Variants in OR6C4 observed in about 807,000 individuals in gnomAD.
The protein encoded by OR6C4 is olfactory receptor family 6 subfamily C member 4, also known as olfactory receptor 6C4.
OR6C4 carries 20 observed loss-of-function variants against 15.1 expected under a neutral mutation model. The ratio of observed to expected loss-of-function variants is 1.32; its 90% CI spans 0.93 to 1.92. The LOEUF (loss-of-function observed/expected upper bound fraction) is 1.92. Ranked by LOEUF, OR6C4 falls within the 30% of genes most tolerant of loss-of-function variation. The probability of loss-of-function intolerance (pLI) is 0.00; values close to 1 mark genes in which losing one functional copy is unlikely to be tolerated. For synonymous variants in OR6C4, 179 were observed against 134.2 expected (o/e 1.33, Z -2.31); for missense variants, 491 against 363.2 (o/e 1.35, Z -2.86).
rs766175400 is a variant in OR6C4 at position 55,551,960 on chromosome 12, T to G, written c.734T>G (p.Val245Gly). 5 of 1,613,924 alleles carry G rather than the reference T, an allele frequency of 3.1e-6. No individual in the cohort carries two copies. The South Asian group carries it at 4.4e-5, about 14-fold the overall frequency. Residue 245 changes from valine to glycine, a missense_variant, in exon 2 of 2, where the codon GTC becomes GGC. Physicochemically the swap from Val to Gly is moderately radical, Grantham distance 109. Transcript: ENST00000641569. ...AFSTCSSHMI[V>G]ISLSYGSCMF... ...TCCACTTGTTCCTCCCACATGATTGTCATCTCCCTCTCTTATGGCAGCTGC... is the reference window on the plus strand; with the variant it reads ...TCCACTTGTTCCTCCCACATGATTGGCATCTCCCTCTCTTATGGCAGCTGC...
rs139790427 is a variant in OR6C4 at position 55,552,129 on chromosome 12, C to T, written c.903C>T (p.Asp301=). ...RNQQVKQAFK[D]SVKKIVKL ...AGCAAGTGAAACAAGCTTTCAAGGACTCAGTCAAAAAGATTGTGAAACTTT... is the reference window on the plus strand; with the variant it reads ...AGCAAGTGAAACAAGCTTTCAAGGATTCAGTCAAAAAGATTGTGAAACTTT... The change falls in exon 2 of 2, where the codon GAC becomes GAT. Residue 301 remains aspartate (D), a synonymous_variant. Transcript: ENST00000641569. 6.1e-4 allele frequency: 983 copies of T among 1,601,806 alleles called. 1 individual carries two copies. The highest frequency in any genetic ancestry group is 6.8e-4 in the Non-Finnish European group (806 of 1,176,950).
At position 55,552,425 on chromosome 12, in the gene OR6C4, T is replaced by C; in HGVS notation, c.*269T>C. 1 of 273,386 alleles carries C rather than the reference T, an allele frequency of 3.7e-6. No homozygotes were observed. The highest frequency in any genetic ancestry group is 6.7e-6 in the Non-Finnish European group (1 of 149,370). 16.9% of individuals were successfully genotyped at this position (273,386 alleles called of 1,614,324 possible). On this transcript the variant is annotated 3_prime_UTR_variant, in exon 2 of 2. Coordinates refer to ENST00000641569, the MANE Select transcript of OR6C4 (RefSeq NM_001005494.2). ...ACAGTTGGAAAGAATTAGTTCTGTT[T>C]TCCATAAATTATTTGAAATTTAAGA...
rs1873974131 is a variant in OR6C4 at position 55,554,847 on chromosome 12, A to G, written c.*2691A>G. On this transcript the variant is annotated 3_prime_UTR_variant, in exon 2 of 2. Coordinates refer to ENST00000641569, the MANE Select transcript of OR6C4 (RefSeq NM_001005494.2). ...AGAGTTTTAAATAAAATTCAAAACA[A>G]TAAAATATATTTTTTAATTTTTTTT... is the stretch of plus-strand genomic sequence containing the variant. The G allele has an allele frequency of 6.6e-6, 1 of 152,200 alleles. No individual in the cohort carries two copies. The highest frequency in any genetic ancestry group is 6.6e-5 in the Admixed American group (1 of 15,266). The allele number at this position is 152,200 out of a possible 1,614,324, so 9.4% of individuals were successfully genotyped here. A position where few individuals can be genotyped will look rare whatever the true frequency, so the allele number is the denominator to read the frequency against.
Position 55,551,348 on chromosome 12 carries a change from T to G in OR6C4, c.122T>G (p.Leu41Arg). The change falls in exon 2 of 2, where the codon CTG (leucine) becomes CGG (arginine). Residue 41 changes from leucine (L) to arginine (R), a missense_variant. By Grantham distance (102) the Leu-to-Arg change is moderately radical. Coordinates refer to ENST00000641569, the MANE Select transcript of OR6C4 (RefSeq NM_001005494.2). Reference sequence around the variant, plus strand: ...TACATGCTAAGTATCCTAGGAAATCTGACTATTATCACCCTCACCTTACTA... The same window carrying G: ...TACATGCTAAGTATCCTAGGAAATCGGACTATTATCACCCTCACCTTACTA... The part of the protein sequence containing the change: ...LTYMLSILGN[L>R]TIITLTLLDP... 6.2e-7 allele frequency: 1 copy of G among 1,613,796 alleles called. No homozygotes were observed. The highest frequency in any genetic ancestry group is 8.5e-7 in the Non-Finnish European group (1 of 1,179,780).
In OR6C4 at chr12:55,555,304, G is replaced by A. The variant is rs1219592851; in HGVS notation, c.*3148G>A. 6.6e-6 allele frequency: 1 copy of A among 152,082 alleles called. No homozygotes were observed. Among genetic ancestry groups the A allele is most frequent in the Non-Finnish European group, 1.5e-5 (1 of 68,050 alleles). 9.4% of individuals were successfully genotyped at this position (152,082 alleles called of 1,614,324 possible). On this transcript the variant is annotated 3_prime_UTR_variant, in exon 2 of 2. Coordinates refer to ENST00000641569, the MANE Select transcript of OR6C4 (RefSeq NM_001005494.2). ...AGCCCCCTCCCATCATTCCCCTTCT[G>A]AGTCTCTAAAGTTCATTATACCACT...
chr12:55,553,004 G>T lies in OR6C4; in HGVS notation c.*848G>T, dbSNP rs953036502. 3.3e-5 allele frequency: 5 copies of T among 151,472 alleles called. No individual in the cohort carries two copies. Among genetic ancestry groups the T allele is most frequent in the African/African-American group, 9.7e-5 (4 of 41,244 alleles). The allele number at this position is 151,472 out of a possible 1,614,324, so 9.4% of individuals were successfully genotyped here. A position where few individuals can be genotyped will look rare whatever the true frequency, so the allele number is the denominator to read the frequency against. ...ATCATGATTTTATTTTCATCCTTTTGTTTCACTTTATTAGATATTAGAAAA... is the reference window on the plus strand; with the variant it reads ...ATCATGATTTTATTTTCATCCTTTTTTTTCACTTTATTAGATATTAGAAAA... On this transcript the variant is annotated 3_prime_UTR_variant, in exon 2 of 2. Transcript: ENST00000641569.
At position 55,552,194 on chromosome 12, in the gene OR6C4, C is replaced by T. The variant is rs766537547; in HGVS notation, c.*38C>T. The T allele has an allele frequency of 8.5e-5, 117 of 1,374,184 alleles. No homozygotes were observed. The highest frequency in any genetic ancestry group is 1.8e-4 in the Admixed American group (8 of 45,358). 85.1% of individuals were successfully genotyped at this position (1,374,184 alleles called of 1,614,324 possible). A position where few individuals can be genotyped will look rare whatever the true frequency, so the allele number is the denominator to read the frequency against. ...CACTTCAAAATACATTTTCACTTAA[C>T]AAATATGCATTGAATGTCTATATTT... On this transcript the variant is annotated 3_prime_UTR_variant, in exon 2 of 2. Transcript: ENST00000641569.
Position 55,551,474 on chromosome 12 carries a change from T to C in OR6C4, c.248T>C (p.Met83Thr), listed in dbSNP as rs11835716. ...SIFIPRFLTS[M>T]TTGNKVISFA... is the part of the protein sequence containing the mutation. ...TTTATTCCCAGATTTCTGACCAGCA[T>C]GACAACAGGAAATAAAGTTATCAGC... Residue 83 changes from methionine to threonine, a missense_variant, in exon 2 of 2, where the codon ATG becomes ACG. Met to Thr is a moderately conservative substitution (Grantham distance 81). Coordinates refer to ENST00000641569, the MANE Select transcript of OR6C4 (RefSeq NM_001005494.2). The C allele has an allele frequency of 0.02, 32,543 of 1,613,812 alleles. 3,916 individuals are homozygous for C. The African/African-American group carries it at 0.31, about 15-fold the overall frequency.
rs760395990 is a variant in OR6C4, at chr12:55,551,957, T to C, written c.731T>C (p.Ile244Thr). Residue 244 changes from isoleucine to threonine, a missense_variant, in exon 2 of 2, where the codon ATT becomes ACT. Transcript: ENST00000641569. The stretch of plus-strand genomic sequence containing the variant: ...TTTTCCACTTGTTCCTCCCACATGA[T>C]TGTCATCTCCCTCTCTTATGGCAGC... ...KAFSTCSSHM[I>T]VISLSYGSCM... is the part of the protein sequence containing the mutation. 12 of 1,613,764 alleles carry C rather than the reference T, an allele frequency of 7.4e-6. No homozygotes were observed. In the South Asian group the frequency reaches 9.9e-5, roughly 13 times the overall value.
rs116167407 is a variant in OR6C4, at chr12:55,553,107, G to A, written c.*951G>A. The A allele has an allele frequency of 1.3e-3, 191 of 152,110 alleles. 2 individuals are homozygous for A. The highest frequency in any genetic ancestry group is 4.5e-3 in the African/African-American group (187 of 41,510). 9.4% of individuals were successfully genotyped at this position (152,110 alleles called of 1,614,324 possible). On this transcript the variant is annotated 3_prime_UTR_variant, in exon 2 of 2. Coordinates refer to ENST00000641569, the MANE Select transcript of OR6C4 (RefSeq NM_001005494.2). ...TTCGTTTGTAACATAAACCATGGAT[G>A]ACCATTTTATAAAGTAAAAAGAATA...
At chr12:55,551,167 A>T in intron 1 of OR6C4, 42 bp from the exon 2 acceptor site, 2 of 1,235,458 alleles carry the variant, frequency 1.6e-6, no homozygotes, top group Non-Finnish European at 2.3e-6. Flanking sequence ...TCCTACTCTA[A>T]GAAACTCTTC....
At chr12:55,550,769 G>A (rs1006948448) in intron 1 of OR6C4, among the ~76,000 whole-genome samples, 1 of 152,088 alleles carries the variant, frequency 6.6e-6, no homozygotes, top group African/African-American at 2.4e-5. Context: ...ATCCAGTGAG[G>A]CATCAAATAG....
rs566073728 is a variant in OR6C4, at chr12:55,551,606, C to T, written c.380C>T (p.Pro127Leu). The T allele has an allele frequency of 5.6e-6, 9 of 1,613,916 alleles. No homozygotes were observed. In the East Asian group the frequency reaches 1.6e-4, roughly 28 times the overall value. ...GATCGTTATGTGGCCATCTGCAAAC[C>T]CTTGCATTACCTGACTATTATGAGC... ...SYDRYVAICK[P>L]LHYLTIMSSR... The change falls in exon 2 of 2, where the codon CCC becomes CTC. Residue 127 changes from proline (P) to leucine (L), a missense_variant. By Grantham distance (98) the Pro-to-Leu change is moderately conservative. Transcript: ENST00000641569.
Position 55,552,200 on chromosome 12 carries a change from T to C in OR6C4, c.*44T>C. The C allele has an allele frequency of 2.3e-6, 3 of 1,294,976 alleles. No individual in the cohort carries two copies. Among genetic ancestry groups the C allele is most frequent in the South Asian group, 1.3e-5 (1 of 75,064 alleles). The allele number at this position is 1,294,976 out of a possible 1,614,324, so 80.2% of individuals were successfully genotyped here. A position where few individuals can be genotyped will look rare whatever the true frequency, so the allele number is the denominator to read the frequency against. On this transcript the variant is annotated 3_prime_UTR_variant, in exon 2 of 2. Transcript: ENST00000641569. ...AAAATACATTTTCACTTAACAAATA[T>C]GCATTGAATGTCTATATTTCAAGTG...
chr12:55,551,966 C>G lies in OR6C4; in HGVS notation c.740C>G (p.Ser247Cys). ...STCSSHMIVI[S>C]LSYGSCMFMY... ...TGTTCCTCCCACATGATTGTCATCT[C>G]CCTCTCTTATGGCAGCTGCATGTTT... The change falls in exon 2 of 2, where the codon TCC becomes TGC. Residue 247 changes from serine to cysteine, a missense_variant. Transcript: ENST00000641569. 1 of 1,613,860 alleles carries G rather than the reference C, an allele frequency of 6.2e-7. No homozygotes were observed. Among genetic ancestry groups the G allele is most frequent in the Non-Finnish European group, 8.5e-7 (1 of 1,179,894 alleles).
chr12:55,550,304 C>T (rs910992737), intron 1 of OR6C4, among the ~76,000 whole-genome samples, 186 bp downstream of exon 1: 5 of 152,116 alleles, frequency 3.3e-5, no homozygotes, highest in African/African-American at 9.7e-5. Flanking sequence ...TCTAAAGATG[C>T]ACTCACAATA....
At chr12:55,550,302 T>C (rs573135977) in intron 1 of OR6C4, among the ~76,000 whole-genome samples, 184 bp downstream of exon 1, 10 of 152,288 alleles carry the variant, frequency 6.6e-5, no homozygotes, top group Admixed American at 3.9e-4. Context: ...AATCTAAAGA[T>C]GCACTCACAA....
In OR6C4 at chr12:55,551,399, A is replaced by G. The variant is rs770944252; in HGVS notation, c.173A>G (p.Tyr58Cys). ...GACCCCCACCTCCAGACCCCCATGT[A>G]TTTCTTCCTCCGGAATTTCTCCTTC... ...LLDPHLQTPMYFFLRNFSFLE... is the reference protein window; with the variant it reads ...LLDPHLQTPMCFFLRNFSFLE... Residue 58 changes from tyrosine to cysteine, a missense_variant, in exon 2 of 2, where the codon TAT (tyrosine) becomes TGT (cysteine). Coordinates refer to ENST00000641569, the MANE Select transcript of OR6C4 (RefSeq NM_001005494.2). 3 of 1,613,550 alleles carry G rather than the reference A, an allele frequency of 1.9e-6. No homozygotes were observed. Among genetic ancestry groups the G allele is most frequent in the Non-Finnish European group, 2.5e-6 (3 of 1,179,908 alleles).
In OR6C4 at chr12:55,551,937, C is replaced by T. The variant is rs1873882360; in HGVS notation, c.711C>T (p.Ser237=). 6.2e-7 allele frequency: 1 copy of T among 1,613,764 alleles called. No homozygotes were observed. The highest frequency in any genetic ancestry group is 8.5e-7 in the Non-Finnish European group (1 of 1,179,858). Residue 237 remains serine, a synonymous_variant, in exon 2 of 2, where the codon TCC becomes TCT. Transcript: ENST00000641569. The stretch of plus-strand genomic sequence containing the variant: ...CCCAGCAAAGGACAAAGGCCTTTTC[C>T]ACTTGTTCCTCCCACATGATTGTCA... The part of the protein sequence containing the change: ...PSAQQRTKAF[S]TCSSHMIVIS...
Sources: gnomAD v4.1 joint callset for allele counts (sites outside exome capture counted in the v4.1 genomes callset) on GRCh38, gnomAD v4.1.1 for gene constraint, MANE v1.5 for transcripts, NCBI Gene and HGNC (gene_info 2026-07-23, HGNC 2026-07-21) for gene names.